NFILZ: variants seen among roughly 807,000 people sequenced by gnomAD.
NFILZ encodes the protein NFIL3 like protein.
At chr19:8,670,775 A>G (rs1298744892) in intron 3 of NFILZ, among the ~76,000 whole-genome samples, 2 of 152,088 alleles carry the variant, frequency 1.3e-5, no homozygotes, top group Non-Finnish European at 2.9e-5. Flanking sequence ...CAGGTGGATC[A>G]CCTGAGGTCA....
At chr19:8,632,245 AGTGTGT>A (rs35056229) in intron 1 of NFILZ, among the ~76,000 whole-genome samples, 3,144 of 145,286 alleles carry the variant, frequency 0.022, 44 homozygotes, top group Non-Finnish European at 0.029. Flanking sequence ...CCCGCCATAC[AGTGTGT>A]GTGTGTGTGT....
chr19:8,657,219 G>A (rs1298827902), intron 3 of NFILZ, among the ~76,000 whole-genome samples: 2 of 151,342 alleles, frequency 1.3e-5, no homozygotes, highest in Non-Finnish European at 2.9e-5. Context: ...ATCTCGGCTC[G>A]GCTCAGCCTC....
chr19:8,662,553 G>T (rs973999098), intron 3 of NFILZ, among the ~76,000 whole-genome samples: 2 of 152,088 alleles, frequency 1.3e-5, no homozygotes, highest in African/African-American at 4.8e-5. Context: ...TGTGGGAGGG[G>T]ATGTTGCAGT....
chr19:8,634,308 T>A (rs1022616987), intron 2 of NFILZ, among the ~76,000 whole-genome samples: 8 of 152,022 alleles, frequency 5.3e-5, no homozygotes, highest in Non-Finnish European at 1.0e-4. Context: ...CTTTTTTTTT[T>A]CTTTTTGAGA....
chr19:8,642,261 G>C (rs782649906), intron 3 of NFILZ, among the ~76,000 whole-genome samples: 4 of 151,848 alleles, frequency 2.6e-5, no homozygotes, highest in Admixed American at 2.0e-4. Flanking sequence ...CCACCTAGTG[G>C]TTCTGTGATG....
rs2043121024 is a variant in NFILZ at position 8,678,051 on chromosome 19, TCCACCCATC to T, written c.*417_*425del. Among the ~76,000 whole-genome samples the T allele has an allele frequency of 1.4e-5, 1 of 70,826 alleles. No homozygotes were observed. Among genetic ancestry groups the T allele is most frequent in the Non-Finnish European group, 2.8e-5 (1 of 36,206 alleles). The allele number at this position is 70,826 out of a possible 152,430, so 46.5% of individuals were successfully genotyped here. On this transcript the variant is annotated 3_prime_UTR_variant, in exon 6 of 6. Coordinates refer to ENST00000691075, the MANE Select transcript of NFILZ (RefSeq NM_001378600.1). ...ATCTATCCATCCATCCATCCATCCA[TCCACCCATC>T]TATTCATCCATCCATCAATCCATCC...
chr19:8,663,388 T>C (rs1241646765), intron 3 of NFILZ, among the ~76,000 whole-genome samples: 1 of 82,602 alleles, frequency 1.2e-5, no homozygotes, highest in East Asian at 5.2e-4. Flanking sequence ...CTGGTGGCAG[T>C]GGGGGATGGA....
In NFILZ at chr19:8,653,918, T is replaced by C. The variant is rs568157954; in HGVS notation, c.-164+18172T>C. On this transcript the variant is annotated intron_variant, in intron 3 of 5. Coordinates refer to ENST00000691075, the MANE Select transcript of NFILZ (RefSeq NM_001378600.1). The stretch of plus-strand genomic sequence containing the variant: ...GCTCTAAAATCTCAGACTTCACCGC[T>C]AAACAATTCATCCATGTAATCAACA... Among the ~76,000 whole-genome samples the C allele has an allele frequency of 2.3e-3, 349 of 152,186 alleles. 1 individual carries two copies. Among genetic ancestry groups the C allele is most frequent in the Non-Finnish European group, 4.2e-3 (286 of 67,982 alleles).
chr19:8,671,743 G>A (rs531988326), intron 3 of NFILZ, among the ~76,000 whole-genome samples: 10 of 152,150 alleles, frequency 6.6e-5, no homozygotes, highest in African/African-American at 2.4e-4. Flanking sequence ...GATGTGCCGT[G>A]GACCTCTACA....
chr19:8,631,677 C>T (rs1032849740), intron 1 of NFILZ, among the ~76,000 whole-genome samples: 28 of 152,278 alleles, frequency 1.8e-4, no homozygotes, highest in Non-Finnish European at 3.4e-4. Context: ...CATCCAGCCG[C>T]CAGGCCTTCG....
At position 8,678,169 on chromosome 19, in the gene NFILZ, C is replaced by T. The variant is rs2043126452; in HGVS notation, c.*534C>T. On this transcript the variant is annotated 3_prime_UTR_variant, in exon 6 of 6. Transcript: ENST00000691075. ...CTTGTCCGTCCATCCATCCATCCAT[C>T]CATCCATCCATCCATCCATCCGTCC... 4.8e-5 allele frequency among the ~76,000 whole-genome samples: 2 copies of T among 41,394 alleles called. No homozygotes were observed. The highest frequency in any genetic ancestry group is 1.1e-4 in the Non-Finnish European group (2 of 18,594). 27.2% of individuals were successfully genotyped at this position (41,394 alleles called of 152,430 possible).
chr19:8,663,816 G>T (rs1314570365), intron 3 of NFILZ, among the ~76,000 whole-genome samples: 2 of 150,136 alleles, frequency 1.3e-5, no homozygotes, highest in East Asian at 2.0e-4. Context: ...GCCTGAGTGG[G>T]GTCCAGCCAC....
At position 8,656,848 on chromosome 19, in the gene NFILZ, G is replaced by A. The variant is rs1234092433; in HGVS notation, c.-163-17703G>A. Among the ~76,000 whole-genome samples, 4 of 152,296 alleles carry A rather than the reference G, an allele frequency of 2.6e-5. No individual in the cohort carries two copies. The East Asian group carries it at 5.8e-4, about 22-fold the overall frequency. ...GCACCAGGGAGGGTCTGGCTGTTGT[G>A]TGGCTGTAGGGGTCCTTATTCTTGG... On this transcript the variant is annotated intron_variant, in intron 3 of 5. Coordinates refer to ENST00000691075, the MANE Select transcript of NFILZ (RefSeq NM_001378600.1).
intron 3 of NFILZ, among the ~76,000 whole-genome samples, chr19:8,652,316 G>A (rs1568420199): frequency 6.6e-6 from 1 of 151,944 alleles, no homozygotes; most frequent in Non-Finnish European, 1.5e-5. Context: ...TGTTAGCCAG[G>A]ATGGTCTCGA....
At chr19:8,660,973 CT>C (rs2043027745) in intron 3 of NFILZ, among the ~76,000 whole-genome samples, 1 of 145,818 alleles carries the variant, frequency 6.9e-6, no homozygotes, top group African/African-American at 2.5e-5. Context: ...TCCTTTCTTG[CT>C]TTCTTTCCCT....
chr19:8,639,729 G>T lies in NFILZ; in HGVS notation c.-164+3983G>T, dbSNP rs114652895. Among the ~76,000 whole-genome samples the T allele has an allele frequency of 7.5e-3, 1,148 of 152,282 alleles. 13 individuals carry two copies. Among genetic ancestry groups the T allele is most frequent in the African/African-American group, 0.026 (1,098 of 41,554 alleles). On this transcript the variant is annotated intron_variant, in intron 3 of 5. Coordinates refer to ENST00000691075, the MANE Select transcript of NFILZ (RefSeq NM_001378600.1). Reference sequence around the variant, plus strand: ...GAAGGAGTTGTTGGAAGGACGACATGAATTAATATGTGTAAAGTGATAGGC... The same window carrying T: ...GAAGGAGTTGTTGGAAGGACGACATTAATTAATATGTGTAAAGTGATAGGC...
rs369272912 is a variant in NFILZ at position 8,666,214 on chromosome 19, ATCT to A, written c.-163-8323_-163-8321del. Reference sequence around the variant, plus strand: ...AGGAGACTATGCTGATATGCTGAGTATCTTCTTCTTCTTCTTATTTTTGAGACA... The same window carrying A: ...AGGAGACTATGCTGATATGCTGAGTATCTTCTTCTTCTTATTTTTGAGACA... On this transcript the variant is annotated intron_variant, in intron 3 of 5. Transcript: ENST00000691075. 1.6e-3 allele frequency among the ~76,000 whole-genome samples: 241 copies of A among 152,060 alleles called. 5 individuals carry two copies. In the South Asian group the frequency reaches 0.042, roughly 27 times the overall value.
At chr19:8,663,734 G>GTGTATGTGTGTGTA (rs1390216602) in intron 3 of NFILZ, among the ~76,000 whole-genome samples, 3 of 110,510 alleles carry the variant, frequency 2.7e-5, no homozygotes, top group Non-Finnish European at 5.8e-5. Context: ...GTGTGTGTGT[G>GTGTATGTGTGTGTA]TGTGTGTGTG....
chr19:8,656,658 A>G (rs2043005230), intron 3 of NFILZ, among the ~76,000 whole-genome samples: 4 of 152,274 alleles, frequency 2.6e-5, no homozygotes, highest in Non-Finnish European at 4.4e-5. Flanking sequence ...CCGCCGCCCA[A>G]TGTTTCCCTG....
Sources: allele counts gnomAD v4.1 joint callset (sites outside exome capture counted in the v4.1 genomes callset), GRCh38; gene constraint gnomAD v4.1.1; transcripts MANE v1.5; gene names NCBI Gene and HGNC (gene_info 2026-07-23, HGNC 2026-07-21).